Variants in COL22A1 observed in about 807,000 individuals in gnomAD.
The protein encoded by COL22A1 is collagen alpha-1(XXII) chain.
COL22A1 carries 221 observed loss-of-function variants against 248.9 expected under a neutral mutation model. The observed-to-expected ratio is 0.89, with a 90% CI of 0.80 to 0.99. The LOEUF (loss-of-function observed/expected upper bound fraction) is 0.99. Among genes scored for constraint, COL22A1 ranks in the 50% least tolerant of loss-of-function variants. The pLI is 0.00. For synonymous variants in COL22A1, 891 were observed against 793.4 expected, an observed-to-expected ratio of 1.12 and a Z score of -2.07; for missense variants, 2,240 against 2,179.0, an observed-to-expected ratio of 1.03 and a Z score of -0.56.
intron 2 of COL22A1, among the ~76,000 whole-genome samples, chr8:138,880,313 C>T (rs759316297): frequency 4.6e-5 from 7 of 152,142 alleles, no homozygotes; most frequent in Non-Finnish European, 1.5e-5. Context: ...ATATGTATAA[C>T]ATAGAATTTC....
At chr8:138,710,027 T>C (rs938027914) in intron 30 of COL22A1, among the ~76,000 whole-genome samples, 1 of 152,202 alleles carries the variant, frequency 6.6e-6, no homozygotes, top group Non-Finnish European at 1.5e-5. Context: ...TACATTCCTA[T>C]AAGCAACACA....
At chr8:138,605,879 G>A (rs764232915) in intron 58 of COL22A1, among the ~76,000 whole-genome samples, 7 of 152,174 alleles carry the variant, frequency 4.6e-5, no homozygotes, top group Non-Finnish European at 7.4e-5. Context: ...ACATGGCTTT[G>A]AGTAAATCAC....
At chr8:138,897,569 AT>A (rs1814210559) in intron 1 of COL22A1, among the ~76,000 whole-genome samples, 1 of 152,016 alleles carries the variant, frequency 6.6e-6, no homozygotes, top group East Asian at 1.9e-4. Flanking sequence ...AATAATAATA[AT>A]AATAAGTAAC....
At chr8:138,709,972 C>G (rs533916356) in intron 30 of COL22A1, among the ~76,000 whole-genome samples, 11 of 152,252 alleles carry the variant, frequency 7.2e-5, no homozygotes, top group African/African-American at 2.6e-4. Context: ...TGCCCCACCC[C>G]CATGAAGGAG....
intron 27 of COL22A1, among the ~76,000 whole-genome samples, chr8:138,720,450 C>T (rs976100206): frequency 6.6e-6 from 1 of 151,958 alleles, no homozygotes; most frequent in Non-Finnish European, 1.5e-5. Flanking sequence ...TTCCGGCTCT[C>T]GTGGGGGATA....
At chr8:138,776,094 C>T (rs71532176) in intron 15 of COL22A1, 84 bp from the exon 16 acceptor site, 5 of 1,383,010 alleles carry the variant, frequency 3.6e-6, no homozygotes, top group Non-Finnish European at 5.2e-6. Context: ...GGAGAAACTG[C>T]CTGGCAGCTT....
chr8:138,626,102 T>C (rs1312679760), intron 51 of COL22A1, 88 bp downstream of exon 51: 2 of 1,019,134 alleles, frequency 2.0e-6, no homozygotes, highest in African/African-American at 3.3e-5. Flanking sequence ...AGGCCTTGTT[T>C]TGACAGTGGA....
chr8:138,830,555 A>G (rs1384499016), intron 5 of COL22A1, among the ~76,000 whole-genome samples: 1 of 152,222 alleles, frequency 6.6e-6, no homozygotes, highest in Admixed American at 6.5e-5. Context: ...ATTCCTCCTC[A>G]GAGCAACTCT....
Position 138,795,528 on chromosome 8 carries a change from G to GACAC in COL22A1, c.1596+1287_1596+1290dup, listed in dbSNP as rs6150850. On this transcript the variant is annotated intron_variant, in intron 12 of 64. Coordinates refer to ENST00000303045, the MANE Select transcript of COL22A1 (RefSeq NM_152888.3). ...CTCTGTCTCTCCTCTCTCTCTTTCAGACACACACACACACACACACACACA... is the reference window on the plus strand; with the variant it reads ...CTCTGTCTCTCCTCTCTCTCTTTCAGACACACACACACACACACACACACACACA... 4.8e-3 allele frequency among the ~76,000 whole-genome samples: 701 copies of GACAC among 144,868 alleles called. 1 individual carries two copies. The highest frequency in any genetic ancestry group is 6.3e-3 in the Admixed American group (92 of 14,556).
At chr8:138,883,550 T>C (rs1215300460) in intron 1 of COL22A1, among the ~76,000 whole-genome samples, 1 of 152,288 alleles carries the variant, frequency 6.6e-6, no homozygotes, top group East Asian at 1.9e-4. Context: ...CTTGGCTCTG[T>C]GTCACCACCC....
At chr8:138,714,235 A>ACG (rs1586546623) in intron 30 of COL22A1, among the ~76,000 whole-genome samples, 2 of 151,518 alleles carry the variant, frequency 1.3e-5, no homozygotes, top group Non-Finnish European at 1.5e-5. Context: ...TTAGGCGTGT[A>ACG]TCAAAATCTC....
chr8:138,806,052 A>G (rs1366535362), intron 10 of COL22A1, among the ~76,000 whole-genome samples: 14 of 2,048 alleles, frequency 6.8e-3, no homozygotes, highest in South Asian at 0.019. Context: ...TGGTGTAGGT[A>G]ATGGTGTGTG....
Position 138,714,546 on chromosome 8 carries a change from C to T in COL22A1, c.2517+1136G>A, listed in dbSNP as rs116744640. ...GCCTCTCTGGACTCTGGGACAGCTC[C>T]CTCCCCTTGTCCTTTCCCACTCTTG... is the stretch of plus-strand genomic sequence containing the variant. On this transcript the variant is annotated intron_variant, in intron 30 of 64. Transcript: ENST00000303045. Among the ~76,000 whole-genome samples, 1,444 of 152,248 alleles carry T rather than the reference C, an allele frequency of 9.5e-3. 20 individuals carry two copies. The highest frequency in any genetic ancestry group is 0.033 in the African/African-American group (1,378 of 41,536).
intron 57 of COL22A1, among the ~76,000 whole-genome samples, chr8:138,607,034 T>G (rs1002710720): frequency 1.3e-5 from 2 of 152,122 alleles, no homozygotes; most frequent in African/African-American, 4.8e-5. Flanking sequence ...TGCTAGGAAG[T>G]TGGATTCCTT....
chr8:138,688,744 G>A (rs1277934103), intron 37 of COL22A1, among the ~76,000 whole-genome samples, 173 bp downstream of exon 37: 1 of 151,974 alleles, frequency 6.6e-6, no homozygotes, highest in East Asian at 1.9e-4. Context: ...CAGGTCTGTT[G>A]TGAGGAATAA....
At chr8:138,653,691 A>T (rs927104907) in intron 45 of COL22A1, among the ~76,000 whole-genome samples, 3 of 152,206 alleles carry the variant, frequency 2.0e-5, no homozygotes, top group African/African-American at 7.2e-5. Flanking sequence ...AGAAAGAGAT[A>T]TATGAAGTTA....
chr8:138,630,666 A>G, intron 50 of COL22A1, 29 bp downstream of exon 50: 1 of 1,607,304 alleles, frequency 6.2e-7, no homozygotes, highest in Admixed American at 1.7e-5. Context: ...GACAGATTAA[A>G]AACAGATCCC....
intron 55 of COL22A1, among the ~76,000 whole-genome samples, chr8:138,614,463 G>T (rs1434012743): frequency 6.6e-6 from 1 of 152,184 alleles, no homozygotes; most frequent in Non-Finnish European, 1.5e-5. Context: ...ACACAAAGTA[G>T]ACTGAAAAAC....
chr8:138,721,740 C>G (rs750104160), intron 26 of COL22A1, among the ~76,000 whole-genome samples: 1 of 152,142 alleles, frequency 6.6e-6, no homozygotes, highest in African/African-American at 2.4e-5. Flanking sequence ...AATACAGGTG[C>G]CCACCCCCAT....
Sources: gnomAD v4.1 joint callset for allele counts (sites outside exome capture counted in the v4.1 genomes callset) on GRCh38, gnomAD v4.1.1 for gene constraint, MANE v1.5 for transcripts, NCBI Gene and HGNC (gene_info 2026-07-23, HGNC 2026-07-21) for gene names.